SLCO5A1: variants seen among roughly 807,000 people sequenced by gnomAD.
SLCO5A1 encodes solute carrier organic anion transporter family member 5A1, also known as organic anion transporter polypeptide-related protein 4.
SLCO5A1 carries 39 observed loss-of-function variants against 65.1 expected under a neutral mutation model. The observed-to-expected ratio is 0.60, with a 90% CI of 0.46 to 0.78. The LOEUF is 0.78. Ranked by LOEUF, SLCO5A1 falls within the 30% of genes least tolerant of loss-of-function variation. SLCO5A1 has a pLI of 0.00. For missense variants in SLCO5A1, 1,029 were observed against 1,069.4 expected (o/e 0.96, Z 0.53); for synonymous variants, 438 against 415.7 (o/e 1.05, Z -0.65).
chr8:69,720,049 A>G (rs997941949), intron 5 of SLCO5A1, among the ~76,000 whole-genome samples: 1 of 152,208 alleles, frequency 6.6e-6, no homozygotes, highest in African/African-American at 2.4e-5. Context: ...AAAAATTTAA[A>G]TTTTATTAGA....
chr8:69,796,079 A>C (rs991623686), intron 2 of SLCO5A1, among the ~76,000 whole-genome samples: 10 of 151,624 alleles, frequency 6.6e-5, no homozygotes, highest in African/African-American at 2.4e-4. Context: ...CCATGAAATC[A>C]CTCTTCCCTT....
chr8:69,736,408 C>T (rs924602366), intron 5 of SLCO5A1, among the ~76,000 whole-genome samples: 1 of 152,194 alleles, frequency 6.6e-6, no homozygotes, highest in African/African-American at 2.4e-5. Flanking sequence ...GCATTAATGC[C>T]TACCCGGCTC....
In SLCO5A1 at chr8:69,705,247, A is replaced by T; in HGVS notation, c.1424-18T>A. 1 of 1,610,282 alleles carries T rather than the reference A, an allele frequency of 6.2e-7. No homozygotes were observed. Among genetic ancestry groups the T allele is most frequent in the Non-Finnish European group, 8.5e-7 (1 of 1,176,658 alleles). ...AATAACCCCTGGGGAGAAGAGAAGG[A>T]GAGGATTAATTTGAACTCATGTACA... On this transcript the variant is annotated intron_variant, in intron 5 of 9. Coordinates refer to ENST00000260126, the MANE Select transcript of SLCO5A1 (RefSeq NM_030958.3).
intron 2 of SLCO5A1, among the ~76,000 whole-genome samples, chr8:69,817,811 G>A (rs1372175668): frequency 6.6e-6 from 1 of 152,124 alleles, no homozygotes; most frequent in Admixed American, 6.5e-5. Flanking sequence ...TCTTACATTT[G>A]TCTGTCACCA....
chr8:69,749,254 A>G (rs1206976387), intron 4 of SLCO5A1, among the ~76,000 whole-genome samples: 2 of 152,146 alleles, frequency 1.3e-5, no homozygotes, highest in Non-Finnish European at 2.9e-5. Flanking sequence ...CCATTATCTG[A>G]GGTTCAAACC....
intron 6 of SLCO5A1, among the ~76,000 whole-genome samples, chr8:69,693,303 A>G (rs1351879259): frequency 6.6e-6 from 1 of 152,204 alleles, no homozygotes; most frequent in Non-Finnish European, 1.5e-5. Flanking sequence ...TCATTCTACA[A>G]AAAGACTGTG....
chr8:69,705,229 C>G lies in SLCO5A1; in HGVS notation c.1424G>C (p.Gly475Ala). Residue 475 changes from glycine (G) to alanine (A), a missense_variant and splice_region_variant, in exon 6 of 10, where the codon GGG becomes GCG. Gly to Ala is a moderately conservative substitution (Grantham distance 60). Around this residue, in one of 3 missense-constraint regions of SLCO5A1, gnomAD observed 647 missense variants for 647.5 expected, o/e 1.00. Coordinates refer to ENST00000260126, the MANE Select transcript of SLCO5A1 (RefSeq NM_030958.3). ...IPASNASIYT[G>A]VIIVPSAGVG... ...ACCAGCACTGGGGACGATAATAACCCCTGGGGAGAAGAGAAGGAGAGGATT... is the reference window on the plus strand; with the variant it reads ...ACCAGCACTGGGGACGATAATAACCGCTGGGGAGAAGAGAAGGAGAGGATT... 1 of 1,613,626 alleles carries G rather than the reference C, an allele frequency of 6.2e-7. No individual in the cohort carries two copies. Among genetic ancestry groups the G allele is most frequent in the Non-Finnish European group, 8.5e-7 (1 of 1,179,680 alleles).
chr8:69,799,405 C>A (rs2130901273), intron 2 of SLCO5A1, among the ~76,000 whole-genome samples: 1 of 152,036 alleles, frequency 6.6e-6, no homozygotes, highest in South Asian at 2.1e-4. Context: ...AATTTTTTTT[C>A]ATGCTTTTAG....
chr8:69,732,015 C>T (rs554782930), intron 5 of SLCO5A1, among the ~76,000 whole-genome samples: 5 of 152,152 alleles, frequency 3.3e-5, no homozygotes, highest in Non-Finnish European at 7.4e-5. Context: ...AAAAACTGCT[C>T]ATAAACTTAT....
chr8:69,687,492 T>C (rs1438907307), intron 6 of SLCO5A1, among the ~76,000 whole-genome samples: 7 of 152,210 alleles, frequency 4.6e-5, no homozygotes, highest in Admixed American at 3.3e-4. Flanking sequence ...ACCCACAATA[T>C]GTACAAACTA....
At chr8:69,684,632 A>C (rs1459706805) in intron 6 of SLCO5A1, among the ~76,000 whole-genome samples, 1 of 152,156 alleles carries the variant, frequency 6.6e-6, no homozygotes, top group Admixed American at 6.5e-5. Flanking sequence ...TTTTGTATAT[A>C]ATTAATAGTG....
At chr8:69,756,788 G>T (rs1342444161) in intron 3 of SLCO5A1, among the ~76,000 whole-genome samples, 1 of 152,214 alleles carries the variant, frequency 6.6e-6, no homozygotes, top group Non-Finnish European at 1.5e-5. Flanking sequence ...TAGTATTAGA[G>T]CCCTGGGCTT....
At chr8:69,766,016 T>G (rs971506263) in intron 2 of SLCO5A1, among the ~76,000 whole-genome samples, 1 of 152,214 alleles carries the variant, frequency 6.6e-6, no homozygotes, top group Non-Finnish European at 1.5e-5. Context: ...GGAAGTGTTT[T>G]CTGTGTAATG....
intron 2 of SLCO5A1, among the ~76,000 whole-genome samples, chr8:69,797,239 C>T (rs189182475): frequency 1.3e-4 from 20 of 152,332 alleles, no homozygotes; most frequent in African/African-American, 4.3e-4. Context: ...CTTATCACTT[C>T]CCCAATCAAT....
intron 2 of SLCO5A1, among the ~76,000 whole-genome samples, chr8:69,768,440 A>C (rs1040966303): frequency 6.6e-6 from 1 of 152,168 alleles, no homozygotes; most frequent in African/African-American, 2.4e-5. Flanking sequence ...AGACTTATAT[A>C]GATTTAGACT....
chr8:69,749,575 G>A (rs988424659), intron 4 of SLCO5A1, among the ~76,000 whole-genome samples: 4 of 151,724 alleles, frequency 2.6e-5, no homozygotes, highest in Admixed American at 6.6e-5. Flanking sequence ...CAGAGATCAC[G>A]CCACTGCACT....
intron 6 of SLCO5A1, 90 bp downstream of exon 6, chr8:69,704,941 G>A: frequency 8.5e-7 from 1 of 1,176,082 alleles, no homozygotes; most frequent in Non-Finnish European, 1.2e-6. Context: ...CTTGGAGGGA[G>A]GGGTATGAGG....
At chr8:69,698,947 C>T (rs936829137) in intron 6 of SLCO5A1, among the ~76,000 whole-genome samples, 6 of 152,144 alleles carry the variant, frequency 3.9e-5, no homozygotes, top group Non-Finnish European at 8.8e-5. Flanking sequence ...GTTATGTCAA[C>T]TGAGCAAGCA....
intron 4 of SLCO5A1, among the ~76,000 whole-genome samples, chr8:69,749,134 T>C (rs1483386163): frequency 6.6e-6 from 1 of 152,196 alleles, no homozygotes; most frequent in Non-Finnish European, 1.5e-5. Context: ...ATTCATACTA[T>C]ACTTGTTCCA....
Sources: allele counts gnomAD v4.1 joint callset (sites outside exome capture counted in the v4.1 genomes callset), GRCh38; gene constraint gnomAD v4.1.1; regional missense constraint gnomAD v4.1.1; transcripts MANE v1.5; gene names NCBI Gene and HGNC (gene_info 2026-07-23, HGNC 2026-07-21).